Variants in KRT8 observed in about 807,000 individuals in gnomAD.
The protein encoded by KRT8 is keratin 8.
In KRT8, 24 loss-of-function variants were observed where a neutral mutation model predicts 43.0. That is an observed-to-expected ratio of 0.56 (90% confidence interval 0.40 to 0.78). The LOEUF is 0.78. KRT8 is among the 30% of genes least tolerant of loss of function. KRT8 has a pLI of 0.00. For synonymous variants in KRT8, 214 were observed against 261.2 expected (o/e 0.82, Z 1.74); for missense variants, 492 against 638.4 (o/e 0.77, Z 2.47).
At position 52,932,169 on chromosome 12, in the gene KRT8, C is replaced by T. The variant is rs903216276; in HGVS notation, c.-47+17287G>A. Reference sequence around the variant, plus strand: ...AGTGCAGTGGCACGATCTCAGCTCACTGCAACCTCCACCCTCTGGGTTCAA... The same window carrying T: ...AGTGCAGTGGCACGATCTCAGCTCATTGCAACCTCCACCCTCTGGGTTCAA... On this transcript the variant is annotated intron_variant, in intron 2 of 6. Coordinates refer to the KRT8 transcript ENST00000546826. Among the ~76,000 whole-genome samples, 9 of 150,372 alleles carry T rather than the reference C, an allele frequency of 6.0e-5. No homozygotes were observed. The East Asian group carries it at 1.8e-3, about 30-fold the overall frequency.
intron 2 of KRT8, among the ~76,000 whole-genome samples, chr12:52,939,328 A>C (rs1942229512): frequency 6.6e-6 from 1 of 152,118 alleles, no homozygotes; most frequent in East Asian, 1.9e-4. Context: ...CAACATGGTG[A>C]AACTGTCTCT....
chr12:52,913,744 C>T (rs1044137433), intron 2 of KRT8, among the ~76,000 whole-genome samples: 1 of 152,244 alleles, frequency 6.6e-6, no homozygotes, highest in Admixed American at 6.5e-5. Context: ...CAGGCACAAG[C>T]ATGTGCGTGT....
rs200212857 is a variant in KRT8, at chr12:52,925,960, TTC to T, written c.-46-20935_-46-20934del. On this transcript the variant is annotated intron_variant, in intron 2 of 6. Transcript: ENST00000546826. ...GGAGAAAGGAGGCAGTGTTCTCATG[TTC>T]TCTGTGTCCCTGAGAAATTCCCCAC... 8.4e-3 allele frequency among the ~76,000 whole-genome samples: 1,281 copies of T among 152,204 alleles called. 13 individuals are homozygous for T. Among genetic ancestry groups the T allele is most frequent in the African/African-American group, 0.029 (1,213 of 41,542 alleles).
chr12:52,905,916 AC>A (rs1359596752), upstream of KRT8, among the ~76,000 whole-genome samples: 1 of 152,026 alleles, frequency 6.6e-6, no homozygotes, highest in Non-Finnish European at 1.5e-5. Flanking sequence ...ACATGGTGAA[AC>A]CCCATCTCTA....
At chr12:52,934,299 G>A (rs934227717) in intron 2 of KRT8, among the ~76,000 whole-genome samples, 1 of 151,936 alleles carries the variant, frequency 6.6e-6, no homozygotes, top group Non-Finnish European at 1.5e-5. Flanking sequence ...AGTGGTTTAC[G>A]CCTCTAATCC....
intron 2 of KRT8, among the ~76,000 whole-genome samples, chr12:52,924,337 T>C (rs1941948333): frequency 6.6e-6 from 1 of 151,438 alleles, no homozygotes. Flanking sequence ...TAGTCCCAGC[T>C]ACTAGGGAGG....
At chr12:52,902,246 G>A in intron 1 of KRT8, 174 bp from the exon 2 acceptor site, 1 of 617,544 alleles carries the variant, frequency 1.6e-6, no homozygotes, top group Non-Finnish European at 2.9e-6. Context: ...AGAAAGCATG[G>A]CATGATGGTG....
chr12:52,938,153 TATATATATATATA>T (rs1565732874), intron 2 of KRT8, among the ~76,000 whole-genome samples: 5 of 46,570 alleles, frequency 1.1e-4, no homozygotes, highest in African/African-American at 4.0e-4. Context: ...TATATATATA[TATATATATATATA>T]TATATTTTTT....
chr12:52,938,170 ATTTT>A (rs780140219), intron 2 of KRT8, among the ~76,000 whole-genome samples: 19 of 30,238 alleles, frequency 6.3e-4, no homozygotes, highest in African/African-American at 7.2e-4. Context: ...ATATATATAT[ATTTT>A]TTTTTTTTTT....
upstream of KRT8, chr12:52,906,451 G>A (rs1161182009): frequency 6.2e-6 from 2 of 320,808 alleles, no homozygotes; most frequent in Admixed American, 4.2e-5. Flanking sequence ...AGGAAATAGA[G>A]GAAGAGTCCC....
chr12:52,911,835 C>A (rs900285466), upstream of KRT8, among the ~76,000 whole-genome samples: 2 of 152,036 alleles, frequency 1.3e-5, no homozygotes, highest in African/African-American at 4.8e-5. Flanking sequence ...AACAGCCTGG[C>A]CAACATGGTG....
intron 2 of KRT8, among the ~76,000 whole-genome samples, chr12:52,918,252 A>G (rs1272563915): frequency 6.6e-6 from 1 of 151,838 alleles, no homozygotes; most frequent in Non-Finnish European, 1.5e-5. Flanking sequence ...AAGAAGAAGA[A>G]GAAGAAACAA....
intron 2 of KRT8, among the ~76,000 whole-genome samples, chr12:52,918,248 A>AAGAAGAAGG (rs1565725904): frequency 6.6e-5 from 10 of 151,620 alleles, no homozygotes; most frequent in African/African-American, 2.4e-4. Flanking sequence ...GAAGAAGAAG[A>AAGAAGAAGG]AGAAGAAGAA....
intron 2 of KRT8, among the ~76,000 whole-genome samples, chr12:52,920,715 G>A (rs1001089187): frequency 1.3e-5 from 2 of 151,922 alleles, no homozygotes; most frequent in Admixed American, 6.6e-5. Flanking sequence ...TATGATGAAC[G>A]AATTCACAAA....
intron 2 of KRT8, among the ~76,000 whole-genome samples, chr12:52,944,684 G>A (rs190582808): frequency 5.3e-5 from 8 of 152,284 alleles, no homozygotes; most frequent in Middle Eastern, 3.4e-3. Context: ...GCTTCTCAGC[G>A]CTGACCCTTC....
intron 5 of KRT8, among the ~76,000 whole-genome samples, chr12:52,899,526 G>T (rs1941308416): frequency 6.6e-6 from 1 of 152,022 alleles, no homozygotes; most frequent in Non-Finnish European, 1.5e-5. Flanking sequence ...AGGCTTGGGA[G>T]CATGTATCAC....
chr12:52,944,042 G>C (rs1451176101), intron 2 of KRT8, among the ~76,000 whole-genome samples: 2 of 152,168 alleles, frequency 1.3e-5, no homozygotes, highest in African/African-American at 4.8e-5. Flanking sequence ...AAGGGGGCTG[G>C]GAAGAAAAGG....
intron 3 of KRT8, 66 bp downstream of exon 3, chr12:52,901,093 C>T (rs1941358245): frequency 8.7e-7 from 1 of 1,152,858 alleles, no homozygotes; most frequent in East Asian, 2.3e-5. Flanking sequence ...ACCCAGAAAG[C>T]TTCTTGGTCT....
At chr12:52,927,220 C>G (rs1047997158) in intron 2 of KRT8, among the ~76,000 whole-genome samples, 1 of 152,192 alleles carries the variant, frequency 6.6e-6, no homozygotes, top group Non-Finnish European at 1.5e-5. Context: ...CACCACCACT[C>G]AGTTTGATAG....
Sources: gnomAD v4.1 joint callset for allele counts (sites outside exome capture counted in the v4.1 genomes callset) on GRCh38, gnomAD v4.1.1 for gene constraint, MANE v1.5 for transcripts, NCBI Gene and HGNC (gene_info 2026-07-23, HGNC 2026-07-21) for gene names.